SAMD5: variants seen among roughly 807,000 people sequenced by gnomAD.
SAMD5 encodes sterile alpha motif domain-containing protein 5.
In SAMD5, 13 loss-of-function variants were observed where a neutral mutation model predicts 11.3. The ratio of observed to expected loss-of-function variants is 1.15; its 90% CI spans 0.75 to 1.83. The LOEUF is 1.83. Ranked by LOEUF, SAMD5 falls within the 40% of genes most tolerant of loss-of-function variation. The pLI, the probability that SAMD5 is intolerant of heterozygous loss-of-function variation, is 0.00. For synonymous variants in SAMD5, 129 were observed against 111.3 expected (o/e 1.16, Z -1.00); for missense variants, 255 against 239.1 (o/e 1.07, Z -0.44).
At chr6:147,671,677 A>C (rs930345945) in intron 1 of SAMD5, among the ~76,000 whole-genome samples, 1 of 152,086 alleles carries the variant, frequency 6.6e-6, no homozygotes, top group African/African-American at 2.4e-5. Flanking sequence ...CAAGCCACCC[A>C]TTACTTAATT....
rs565879934 is a variant in SAMD5 at position 147,721,613 on chromosome 6, A to G, written c.163-15704A>G. On this transcript the variant is annotated intron_variant, in intron 1 of 1. Transcript: ENST00000566741. ...TCTGGATATTAGCCCTTTGTCAGAT[A>G]AGTAGGTTGCGAAAATTTTCTCCCA... is the stretch of plus-strand genomic sequence containing the variant. 4.2e-4 allele frequency among the ~76,000 whole-genome samples: 64 copies of G among 152,102 alleles called. 2 individuals carry two copies. The South Asian group carries it at 6.5e-3, about 15-fold the overall frequency.
chr6:147,757,994 G>C, the SAMD5 span, among the ~76,000 whole-genome samples: 1 of 152,108 alleles, frequency 6.6e-6, no homozygotes, highest in Non-Finnish European at 1.5e-5. Context: ...GACAGTGTTT[G>C]CTTCTATGAT....
intron 1 of SAMD5, among the ~76,000 whole-genome samples, chr6:147,632,440 T>G (rs1790165263): frequency 6.6e-6 from 1 of 152,012 alleles, no homozygotes; most frequent in Non-Finnish European, 1.5e-5. Context: ...TGAGAGGTAG[T>G]GGAGAGGGGC....
chr6:147,811,714 CA>C, the SAMD5 span, among the ~76,000 whole-genome samples: 1 of 151,760 alleles, frequency 6.6e-6, no homozygotes, highest in Non-Finnish European at 1.5e-5. Context: ...TGTTTCAAGA[CA>C]AAAAAATACC....
intron 1 of SAMD5, among the ~76,000 whole-genome samples, chr6:147,730,900 G>T (rs1008093465): frequency 6.6e-6 from 1 of 152,160 alleles, no homozygotes; most frequent in Non-Finnish European, 1.5e-5. Flanking sequence ...AGTTTTAATG[G>T]AGGTGGTGTT....
chr6:147,944,579 T>C, the SAMD5 span, among the ~76,000 whole-genome samples: 340 of 152,318 alleles, frequency 2.2e-3, 8 homozygotes, highest in Non-Finnish European at 1.6e-3. Flanking sequence ...TAGCATCTGA[T>C]TCTCAGAGGG....
the SAMD5 span, among the ~76,000 whole-genome samples, chr6:147,821,959 C>T: frequency 5.9e-5 from 9 of 152,076 alleles, no homozygotes; most frequent in South Asian, 1.9e-3. Context: ...GTAATAGAAA[C>T]ACATTTTTTA....
the SAMD5 span, among the ~76,000 whole-genome samples, chr6:147,813,047 T>C: frequency 6.6e-6 from 1 of 152,334 alleles, no homozygotes; most frequent in African/African-American, 2.4e-5. Flanking sequence ...ACTTCAAGAG[T>C]AACTCCACTA....
intron 1 of SAMD5, among the ~76,000 whole-genome samples, chr6:147,594,809 T>A (rs1789506017): frequency 6.6e-6 from 1 of 152,220 alleles, no homozygotes. Flanking sequence ...GGTCTTCAGG[T>A]AATTCAAGAG....
At chr6:147,691,416 C>T (rs1025479312) in intron 1 of SAMD5, among the ~76,000 whole-genome samples, 1 of 152,150 alleles carries the variant, frequency 6.6e-6, no homozygotes, top group Non-Finnish European at 1.5e-5. Flanking sequence ...CTTCTTTTCT[C>T]CAAATTATAG....
chr6:147,621,342 G>A (rs937200580), intron 1 of SAMD5, among the ~76,000 whole-genome samples: 3 of 152,208 alleles, frequency 2.0e-5, no homozygotes, highest in African/African-American at 7.2e-5. Context: ...AGTCAATGGA[G>A]CTTGACTTCT....
chr6:147,622,584 G>A lies in SAMD5; in HGVS notation c.162+113197G>A, dbSNP rs190226873. 7.9e-5 allele frequency among the ~76,000 whole-genome samples: 12 copies of A among 152,266 alleles called. No individual in the cohort carries two copies. The East Asian group carries it at 2.3e-3, about 30-fold the overall frequency. On this transcript the variant is annotated intron_variant, in intron 1 of 1. Coordinates refer to the SAMD5 transcript ENST00000566741. ...AAGCTGGGGCTCAGGAAGGGATAGAGTCTGGGACTGTCCAGCCCACCAGGA... is the reference window on the plus strand; with the variant it reads ...AAGCTGGGGCTCAGGAAGGGATAGAATCTGGGACTGTCCAGCCCACCAGGA...
chr6:147,638,395 A>G (rs1790262993), intron 1 of SAMD5, among the ~76,000 whole-genome samples: 1 of 152,178 alleles, frequency 6.6e-6, no homozygotes, highest in African/African-American at 2.4e-5. Flanking sequence ...ATACTTTGGC[A>G]ATTTGATTTT....
intron 1 of SAMD5, among the ~76,000 whole-genome samples, chr6:147,687,838 G>T (rs189033012): frequency 1.3e-5 from 2 of 152,224 alleles, no homozygotes; most frequent in Non-Finnish European, 2.9e-5. Context: ...TTATTTGAGG[G>T]TAACGTGTTT....
At chr6:147,794,064 C>T in the SAMD5 span, among the ~76,000 whole-genome samples, 16 of 152,096 alleles carry the variant, frequency 1.1e-4, no homozygotes, top group East Asian at 1.9e-4. Context: ...TATTCATCCT[C>T]AAAATATTTG....
chr6:147,641,957 T>C (rs1186744444), intron 1 of SAMD5, among the ~76,000 whole-genome samples: 1 of 152,196 alleles, frequency 6.6e-6, no homozygotes, highest in African/African-American at 2.4e-5. Context: ...CATACAACAA[T>C]GACAGTCTAA....
At chr6:147,722,279 GT>G (rs756923260) in intron 1 of SAMD5, among the ~76,000 whole-genome samples, 31 of 148,844 alleles carry the variant, frequency 2.1e-4, no homozygotes, top group East Asian at 1.4e-3. Context: ...GTCGATTTGT[GT>G]TTTTTTTTTC....
At chr6:147,838,901 T>C in the SAMD5 span, among the ~76,000 whole-genome samples, 3 of 152,302 alleles carry the variant, frequency 2.0e-5, no homozygotes, top group Admixed American at 2.0e-4. Context: ...CTGAAGCATG[T>C]GCAACAAGTC....
chr6:147,739,367 C>A (rs7751400), downstream of SAMD5, among the ~76,000 whole-genome samples: 7 of 152,194 alleles, frequency 4.6e-5, no homozygotes, highest in African/African-American at 1.4e-4. Context: ...AGGCGCAGGC[C>A]GGAAGACCAT....
Sources: gnomAD v4.1 joint callset for allele counts (sites outside exome capture counted in the v4.1 genomes callset) on GRCh38, gnomAD v4.1.1 for gene constraint, MANE v1.5 for transcripts, NCBI Gene and HGNC (gene_info 2026-07-23, HGNC 2026-07-21) for gene names.